TMEM232: variants seen among roughly 807,000 people sequenced by gnomAD.
The protein encoded by TMEM232 is transmembrane protein 232.
A neutral mutation model predicts 78.8 loss-of-function variants in TMEM232; 80 were observed. The observed-to-expected ratio is 1.01, with a 90% CI of 0.85 to 1.22. TMEM232 has a LOEUF of 1.22. Among genes scored for constraint, TMEM232 ranks in the 50% most tolerant of loss-of-function variants. TMEM232 has a pLI of 0.00. For synonymous variants in TMEM232, 297 were observed against 254.3 expected (o/e 1.17, Z -1.60); for missense variants, 881 against 742.2 (o/e 1.19, Z -2.17).
At chr5:110,416,536 C>T (rs1034872852), downstream of TMEM232, among the ~76,000 whole-genome samples, 7 of 152,106 alleles carry the variant, frequency 4.6e-5, no homozygotes, top group African/African-American at 7.2e-5. Context: ...AGTTGGATAA[C>T]GTTTGAAAGC....
At chr5:110,549,781 T>A (rs1283691917) in intron 11 of TMEM232, among the ~76,000 whole-genome samples, 1 of 151,994 alleles carries the variant, frequency 6.6e-6, no homozygotes, top group Non-Finnish European at 1.5e-5. Context: ...TTAGAAAACA[T>A]CTTTCCGAAT....
At chr5:110,574,127 T>G (rs959533967) in intron 10 of TMEM232, among the ~76,000 whole-genome samples, 1 of 152,088 alleles carries the variant, frequency 6.6e-6, no homozygotes, top group African/African-American at 2.4e-5. Flanking sequence ...AAGGTACATT[T>G]TCCCTGGATA....
upstream of TMEM232, among the ~76,000 whole-genome samples, chr5:110,730,742 T>G (rs1464541813): frequency 6.6e-6 from 1 of 151,970 alleles, no homozygotes; most frequent in African/African-American, 2.4e-5. Context: ...TTCAATTACC[T>G]CCCCCAGGTC....
intron 12 of TMEM232, among the ~76,000 whole-genome samples, chr5:110,445,537 A>G (rs1260704762): frequency 6.6e-6 from 1 of 152,150 alleles, no homozygotes; most frequent in Admixed American, 6.6e-5. Context: ...GTGGCTGGGT[A>G]GTGACTATAT....
chr5:110,609,083 C>G (rs1190854722), intron 8 of TMEM232, among the ~76,000 whole-genome samples: 1 of 151,994 alleles, frequency 6.6e-6, no homozygotes, highest in Non-Finnish European at 1.5e-5. Flanking sequence ...TTCCTAGGTT[C>G]TTCTTACTCC....
At chr5:110,416,717 A>G (rs1284732702), downstream of TMEM232, among the ~76,000 whole-genome samples, 1 of 152,192 alleles carries the variant, frequency 6.6e-6, no homozygotes, top group Admixed American at 6.5e-5. Context: ...AAAAGAATCA[A>G]TTACTTAAAT....
At chr5:110,502,907 A>G (rs1383798080) in intron 12 of TMEM232, among the ~76,000 whole-genome samples, 2 of 152,168 alleles carry the variant, frequency 1.3e-5, no homozygotes, top group East Asian at 1.9e-4. Context: ...GAATTCTTCA[A>G]TTACTTTCAT....
At chr5:110,738,564 C>T (rs1341997587), upstream of TMEM232, among the ~76,000 whole-genome samples, 3 of 152,046 alleles carry the variant, frequency 2.0e-5, no homozygotes, top group African/African-American at 7.3e-5. Context: ...GATCCAAAAC[C>T]CCAAGTGCGG....
chr5:110,395,191 T>C (rs573897144), intron 3 of TMEM232, among the ~76,000 whole-genome samples: 1 of 152,276 alleles, frequency 6.6e-6, no homozygotes, highest in Non-Finnish European at 1.5e-5. Context: ...TGTTGCTCTC[T>C]TTCTAGAAGT....
At chr5:110,449,858 T>C (rs1760075900) in intron 12 of TMEM232, among the ~76,000 whole-genome samples, 2 of 152,152 alleles carry the variant, frequency 1.3e-5, no homozygotes, top group South Asian at 2.1e-4. Context: ...ACTATGAACC[T>C]CTGAATTACC....
rs148136470 is a variant in TMEM232 at position 110,496,025 on chromosome 5, A to G, written c.1703+32563T>C. On this transcript the variant is annotated intron_variant, in intron 12 of 13. Coordinates refer to ENST00000455884, the MANE Select transcript of TMEM232 (RefSeq NM_001039763.4). Reference sequence around the variant, plus strand: ...ATTATTTTTCAAGTTAGATATAGTTATTTATAATTCAATCCTGTAATTTCT... The same window carrying G: ...ATTATTTTTCAAGTTAGATATAGTTGTTTATAATTCAATCCTGTAATTTCT... 5.4e-3 allele frequency among the ~76,000 whole-genome samples: 827 copies of G among 151,980 alleles called. 12 individuals carry two copies. Among genetic ancestry groups the G allele is most frequent in the African/African-American group, 0.02 (811 of 41,542 alleles).
rs540945284 is a variant in TMEM232 at position 110,651,129 on chromosome 5, G to A, written c.126-8758C>T. On this transcript the variant is annotated intron_variant, in intron 2 of 13. Transcript: ENST00000455884. ...TCTGCTAGGCAAGAGGACACAAAAC[G>A]GAAGTGAATCAAAACCTGATAGGCA... Among the ~76,000 whole-genome samples, 110 of 152,164 alleles carry A rather than the reference G, an allele frequency of 7.2e-4. 1 individual carries two copies. The highest frequency in any genetic ancestry group is 1.3e-3 in the Non-Finnish European group (87 of 68,000).
At chr5:110,660,878 C>T (rs1404552568) in intron 2 of TMEM232, among the ~76,000 whole-genome samples, 1 of 152,032 alleles carries the variant, frequency 6.6e-6, no homozygotes, top group Non-Finnish European at 1.5e-5. Flanking sequence ...TTGAAATATA[C>T]AATAAATTGT....
intron 10 of TMEM232, among the ~76,000 whole-genome samples, chr5:110,587,038 A>T (rs1778898266): frequency 6.6e-6 from 1 of 152,170 alleles, no homozygotes; most frequent in Non-Finnish European, 1.5e-5. Flanking sequence ...AGAAATTAAT[A>T]ATAAAGCAGT....
chr5:110,514,623 A>C (rs950060090), intron 12 of TMEM232, among the ~76,000 whole-genome samples: 3 of 152,160 alleles, frequency 2.0e-5, no homozygotes, highest in Non-Finnish European at 4.4e-5. Flanking sequence ...AAAACCTATA[A>C]AATAAGCATA....
rs1330767426 is a variant in TMEM232 at position 110,606,170 on chromosome 5, T to G, written c.1020A>C (p.Gln340His). 1 of 1,539,244 alleles carries G rather than the reference T, an allele frequency of 6.5e-7. No homozygotes were observed. The highest frequency in any genetic ancestry group is 2.5e-5 in the East Asian group (1 of 40,792). Residue 340 changes from glutamine to histidine, a missense_variant, in exon 9 of 14, where the codon CAA becomes CAC. Gln to His is a conservative substitution (Grantham distance 24). Transcript: ENST00000455884. Reference sequence around the variant, plus strand: ...TATAAATTAGCAATGTTACCTGATTTTGAACAGACATAATGCTTGAAACAA... The same window carrying G: ...TATAAATTAGCAATGTTACCTGATTGTGAACAGACATAATGCTTGAAACAA... The part of the protein sequence containing the change: ...RDFVSSIMSV[Q>H]NQEESCKVDD...
chr5:110,435,877 G>A (rs928209721), intron 12 of TMEM232, among the ~76,000 whole-genome samples: 8 of 151,984 alleles, frequency 5.3e-5, no homozygotes, highest in Non-Finnish European at 1.0e-4. Context: ...CACTTGGGTT[G>A]CTTCTAAACC....
At chr5:110,682,867 C>T (rs1416561328) in intron 1 of TMEM232, among the ~76,000 whole-genome samples, 1 of 152,112 alleles carries the variant, frequency 6.6e-6, no homozygotes, top group Non-Finnish European at 1.5e-5. Flanking sequence ...CTTTCTCATT[C>T]ATCATTACAC....
intron 2 of TMEM232, among the ~76,000 whole-genome samples, chr5:110,642,906 G>A (rs1225876815): frequency 1.3e-5 from 2 of 152,032 alleles, no homozygotes; most frequent in South Asian, 2.1e-4. Context: ...AAGAGGCGTG[G>A]CATGATTTAA....
Sources: gnomAD v4.1 joint callset for allele counts (sites outside exome capture counted in the v4.1 genomes callset) on GRCh38, gnomAD v4.1.1 for gene constraint, MANE v1.5 for transcripts, NCBI Gene and HGNC (gene_info 2026-07-23, HGNC 2026-07-21) for gene names.